FBXW10: variants seen among roughly 807,000 people sequenced by gnomAD.
The protein encoded by FBXW10 is F-box and WD repeat domain containing 10.
FBXW10 carries 68 observed loss-of-function variants against 113.1 expected under a neutral mutation model. The observed-to-expected ratio is 0.60, with a 90% CI of 0.49 to 0.74. FBXW10 has a LOEUF of 0.74. Ranked by LOEUF, FBXW10 falls within the 30% of genes least tolerant of loss-of-function variation. The pLI is 0.00. For missense variants in FBXW10, 753 were observed against 1,284.5 expected (o/e 0.59, Z 6.32); for synonymous variants, 289 against 481.6 (o/e 0.60, Z 5.24).
chr17:18,764,485 C>T (rs1290568436), intron 7 of FBXW10, among the ~76,000 whole-genome samples: 1 of 152,112 alleles, frequency 6.6e-6, no homozygotes, highest in East Asian at 1.9e-4. Flanking sequence ...CAGGGGTGAG[C>T]CACTGTGCCT....
chr17:18,769,936 C>T lies in FBXW10; in HGVS notation c.1857C>T (p.Leu619=), dbSNP rs200519240. ...CTCTGTTCCCTTCCAGGGAGGTGCT[C>T]GACGTGTCCCTTCTCTTCCTCCGGG... ...LMAFKHPKEV[L]DVSLLFLRVI... is the part of the protein sequence containing the mutation. Residue 619 remains leucine, a synonymous_variant, in exon 11 of 14, where the codon CTC becomes CTT. Transcript: ENST00000395665. 9.3e-6 allele frequency: 15 copies of T among 1,613,988 alleles called. No individual in the cohort carries two copies. Among genetic ancestry groups the T allele is most frequent in the Admixed American group, 1.7e-5 (1 of 59,992 alleles).
intron 7 of FBXW10, among the ~76,000 whole-genome samples, chr17:18,759,031 G>A (rs541022363): frequency 1.7e-4 from 26 of 152,164 alleles, no homozygotes; most frequent in African/African-American, 5.8e-4. Flanking sequence ...TTAGCTGGGC[G>A]TGGTGGCGGG....
chr17:18,756,235 T>G, intron 6 of FBXW10, 81 bp downstream of exon 6: 1 of 1,372,906 alleles, frequency 7.3e-7, no homozygotes, highest in Non-Finnish European at 1.0e-6. Context: ...CTGACCTTTG[T>G]GTACATGGAA....
Position 18,766,766 on chromosome 17 carries a change from C to T in FBXW10, c.1608C>T (p.Pro536=), listed in dbSNP as rs144724584. Residue 536 remains proline (P), a synonymous_variant, in exon 9 of 14, where the codon CCC becomes CCT. Transcript: ENST00000395665. ...KCLKTFRHKD[P]ILATRINDTY... ...TGAAGACGTTTAGACACAAAGACCC[C>T]ATCTTGGCCACCAGGATCAATGATA... is the stretch of plus-strand genomic sequence containing the variant. 4 of 1,613,354 alleles carry T rather than the reference C, an allele frequency of 2.5e-6. No individual in the cohort carries two copies. In the African/African-American group the frequency reaches 4.0e-5, roughly 16 times the overall value.
At chr17:18,771,917 G>A (rs1349145576) in intron 11 of FBXW10, among the ~76,000 whole-genome samples, 1 of 152,050 alleles carries the variant, frequency 6.6e-6, no homozygotes, top group African/African-American at 2.4e-5. Context: ...AGCCCAGCCT[G>A]GGCAACATGG....
At chr17:18,776,253 G>T (rs1281799324) in intron 13 of FBXW10, among the ~76,000 whole-genome samples, 1 of 151,974 alleles carries the variant, frequency 6.6e-6, no homozygotes, top group East Asian at 1.9e-4. Context: ...CCAGAGAGGG[G>T]TGGGGGTTGC....
At position 18,778,624 on chromosome 17, in the gene FBXW10, G is replaced by A. The variant is rs751924298; in HGVS notation, c.2485G>A (p.Gly829Arg). ...VSALQHAHNS[G>R]EFAYPCRPQT... ...CGCCCTGCAGCACGCCCATAATTCC[G>A]GGGAATTTGCCTATCCCTGTAGGCC... The change falls in exon 14 of 14, where the codon GGG becomes AGG. Residue 829 changes from glycine (G) to arginine (R), a missense_variant. By Grantham distance (125) the Gly-to-Arg change is moderately radical. Transcript: ENST00000395665. 17 of 1,613,706 alleles carry A rather than the reference G, an allele frequency of 1.1e-5. No individual in the cohort carries two copies. Among genetic ancestry groups the A allele is most frequent in the South Asian group, 3.3e-5 (3 of 91,066 alleles).
intron 2 of FBXW10, 144 bp from the exon 3 acceptor site, chr17:18,749,578 G>A: frequency 1.1e-6 from 1 of 924,374 alleles, no homozygotes; most frequent in South Asian, 1.7e-5. Flanking sequence ...TCAAGTGGCA[G>A]AAGAGATGAC....
Position 18,778,815 on chromosome 17 carries a change from G to A in FBXW10, c.2676G>A (p.Gln892=). The change falls in exon 14 of 14, where the codon CAG becomes CAA. Residue 892 remains glutamine, a synonymous_variant. Coordinates refer to ENST00000395665, the MANE Select transcript of FBXW10 (RefSeq NM_001267585.2). ...TTCCCCTTGAAATCCAGAAACTGCAGCCCAACTTGAAGATCTCTTTGCACA... is the reference window on the plus strand; with the variant it reads ...TTCCCCTTGAAATCCAGAAACTGCAACCCAACTTGAAGATCTCTTTGCACA... ...TSIPLEIQKL[Q]PNLKISLHSP... is the part of the protein sequence containing the mutation. 6.2e-7 allele frequency: 1 copy of A among 1,613,890 alleles called. No homozygotes were observed. The highest frequency in any genetic ancestry group is 8.5e-7 in the Non-Finnish European group (1 of 1,179,852).
At chr17:18,753,743 G>A (rs893026837) in intron 5 of FBXW10, among the ~76,000 whole-genome samples, 4 of 151,896 alleles carry the variant, frequency 2.6e-5, no homozygotes, top group African/African-American at 9.7e-5. Flanking sequence ...GCATGGTGGT[G>A]CATGCCTATA....
intron 12 of FBXW10, among the ~76,000 whole-genome samples, chr17:18,773,264 C>A (rs2035649600): frequency 6.6e-6 from 1 of 152,040 alleles, no homozygotes; most frequent in Non-Finnish European, 1.5e-5. Flanking sequence ...CTTATAAGAA[C>A]CTTTGCACAG....
chr17:18,756,024 C>G, intron 5 of FBXW10, 21 bp from the exon 6 acceptor site: 1 of 1,610,204 alleles, frequency 6.2e-7, no homozygotes, highest in Non-Finnish European at 8.5e-7. Context: ...TGAGCTTTAA[C>G]TTCAAATATT....
intron 13 of FBXW10, among the ~76,000 whole-genome samples, chr17:18,778,238 G>A (rs1276073270): frequency 6.6e-6 from 1 of 152,196 alleles, no homozygotes; most frequent in Non-Finnish European, 1.5e-5. Flanking sequence ...GGGTGACAGA[G>A]CGAGACTCCG....
In FBXW10 at chr17:18,770,053, T is replaced by A. The variant is rs1404919620; in HGVS notation, c.1974T>A (p.Asp658Glu). Residue 658 changes from aspartate to glutamate, a missense_variant, in exon 11 of 14, where the codon GAT becomes GAA. By Grantham distance (45) the Asp-to-Glu change is conservative. Transcript: ENST00000395665. ...TGTTAAAAGCCAATGGCAGAGGTGA[T>A]CCTGTGCTGTCCTTCTTTATTCAGG... ...MKVLKANGRG[D>E]PVLSFFIQGN... 1 of 1,614,214 alleles carries A rather than the reference T, an allele frequency of 6.2e-7. No homozygotes were observed. Among genetic ancestry groups the A allele is most frequent in the East Asian group, 2.2e-5 (1 of 44,884 alleles).
At chr17:18,773,335 C>T (rs558938003) in intron 12 of FBXW10, among the ~76,000 whole-genome samples, 48 of 152,122 alleles carry the variant, frequency 3.2e-4, no homozygotes, top group Non-Finnish European at 3.4e-4. Flanking sequence ...AATACCCCCA[C>T]CCCCCAAATT....
intron 9 of FBXW10, among the ~76,000 whole-genome samples, chr17:18,768,149 C>A (rs2035538899): frequency 6.6e-6 from 1 of 151,852 alleles, no homozygotes; most frequent in Non-Finnish European, 1.5e-5. Context: ...CGCACTGCAA[C>A]CTCCATCTCC....
chr17:18,764,447 G>A (rs1249200401), intron 7 of FBXW10, among the ~76,000 whole-genome samples: 1 of 152,010 alleles, frequency 6.6e-6, no homozygotes, highest in South Asian at 2.1e-4. Context: ...TGATCTGCCC[G>A]CCTCAGCCTC....
At chr17:18,760,843 T>TC (rs2035366832) in intron 7 of FBXW10, among the ~76,000 whole-genome samples, 1 of 151,906 alleles carries the variant, frequency 6.6e-6, no homozygotes, top group Admixed American at 6.6e-5. Flanking sequence ...GTTTTTTTTT[T>TC]CTTCATTTCT....
chr17:18,767,443 CAA>C (rs5819658), intron 9 of FBXW10, among the ~76,000 whole-genome samples: 86 of 123,944 alleles, frequency 6.9e-4, no homozygotes, highest in African/African-American at 9.7e-4. Flanking sequence ...TCATGCGTCT[CAA>C]AAAAAAAAAA....
Sources: allele counts gnomAD v4.1 joint callset (sites outside exome capture counted in the v4.1 genomes callset), GRCh38; gene constraint gnomAD v4.1.1; transcripts MANE v1.5; gene names NCBI Gene and HGNC (gene_info 2026-07-23, HGNC 2026-07-21).